The following CPB1 variants were observed in gnomAD, a reference collection of about 807,000 sequenced individuals.
The protein encoded by CPB1 is carboxypeptidase B.
A neutral mutation model predicts 51.4 loss-of-function variants in CPB1; 53 were observed. The ratio of observed to expected loss-of-function variants is 1.03; its 90% CI spans 0.83 to 1.30. CPB1 has a LOEUF of 1.30. CPB1 is among the 50% of genes most tolerant of loss of function. The pLI is 0.00. For missense variants in CPB1, 494 were observed against 516.2 expected, an observed-to-expected ratio of 0.96 and a Z score of 0.42; for synonymous variants, 189 against 186.9, an observed-to-expected ratio of 1.01 and a Z score of -0.09.
At chr3:148,844,113 T>C (rs540437620) in intron 6 of CPB1, among the ~76,000 whole-genome samples, 1 of 152,306 alleles carries the variant, frequency 6.6e-6, no homozygotes, top group East Asian at 1.9e-4. Context: ...GTTCTATACC[T>C]TACTTACACT....
intron 2 of CPB1, among the ~76,000 whole-genome samples, chr3:148,830,873 C>A (rs1428292523): frequency 6.6e-6 from 1 of 152,118 alleles, no homozygotes; most frequent in African/African-American, 2.4e-5. Context: ...ACACATATTT[C>A]TTCTTTATTC....
In CPB1 at chr3:148,857,555, T is replaced by C. The variant is rs374667104; in HGVS notation, c.1066+14T>C. 1.2e-6 allele frequency: 2 copies of C among 1,603,784 alleles called. No homozygotes were observed. The highest frequency in any genetic ancestry group is 1.7e-5 in the Admixed American group (1 of 59,930). On this transcript the variant is annotated intron_variant, in intron 10 of 10. Coordinates refer to ENST00000282957, the MANE Select transcript of CPB1 (RefSeq NM_001871.3). ...CTACAACAATCTGTGAGTCTTGGCT[T>C]CAGAACTGTGCAAAGAACCATGTGC...
chr3:148,835,608 G>A (rs914715467), intron 3 of CPB1, among the ~76,000 whole-genome samples: 2 of 152,130 alleles, frequency 1.3e-5, no homozygotes, highest in African/African-American at 4.8e-5. Flanking sequence ...TAAGAGGGAA[G>A]GAGGAAATAA....
At chr3:148,834,667 C>A in intron 3 of CPB1, 45 bp downstream of exon 3, 2 of 1,562,902 alleles carry the variant, frequency 1.3e-6, no homozygotes, top group Admixed American at 1.7e-5. Context: ...CCCATGCATG[C>A]TTTCATCTGA....
chr3:148,828,720 C>CCCA (rs1169853387), intron 2 of CPB1, among the ~76,000 whole-genome samples: 1 of 152,170 alleles, frequency 6.6e-6, no homozygotes, highest in African/African-American at 2.4e-5. Flanking sequence ...ACCACAAATA[C>CCCA]AGTAGTTCCA....
At chr3:148,852,331 C>G (rs960658283) in intron 9 of CPB1, among the ~76,000 whole-genome samples, 5 of 152,256 alleles carry the variant, frequency 3.3e-5, no homozygotes, top group African/African-American at 1.2e-4. Context: ...TGGGAGACAT[C>G]TTTGGTTGTC....
chr3:148,840,310 C>T (rs994214484), intron 3 of CPB1, among the ~76,000 whole-genome samples: 1 of 126,372 alleles, frequency 7.9e-6, no homozygotes, highest in Non-Finnish European at 1.9e-5. Context: ...GGAAGAAAGA[C>T]CAAAGATAGG....
chr3:148,859,981 C>T lies in CPB1; in HGVS notation c.1233C>T (p.Tyr411=), dbSNP rs892083468. Residue 411 remains tyrosine, a synonymous_variant, in exon 11 of 11, where the codon TAC becomes TAT. Coordinates refer to ENST00000282957, the MANE Select transcript of CPB1 (RefSeq NM_001871.3). ...TGGCAATCAAGTATGTTGCCAGCTA[C>T]GTCCTGGAACACCTGTACTAGTTGA... ...TFLAIKYVAS[Y]VLEHLY is the part of the protein sequence containing the mutation. 23 of 1,613,914 alleles carry T rather than the reference C, an allele frequency of 1.4e-5. No individual in the cohort carries two copies. Among genetic ancestry groups the T allele is most frequent in the Middle Eastern group, 1.6e-4 (1 of 6,084 alleles).
intron 9 of CPB1, 75 bp downstream of exon 9, chr3:148,845,701 T>C (rs1713217781): frequency 1.1e-5 from 13 of 1,214,290 alleles, no homozygotes; most frequent in Admixed American, 4.0e-5. Context: ...AAAAAATCAT[T>C]ATAAGAACAC....
chr3:148,835,831 G>C (rs986023815), intron 3 of CPB1, among the ~76,000 whole-genome samples: 1 of 152,190 alleles, frequency 6.6e-6, no homozygotes, highest in Non-Finnish European at 1.5e-5. Flanking sequence ...TAAAAGAATA[G>C]TATCTGTGCC....
chr3:148,844,910 A>G (rs1559959551), intron 8 of CPB1, 143 bp downstream of exon 8: 1 of 739,720 alleles, frequency 1.4e-6, no homozygotes, highest in Non-Finnish European at 2.2e-6. Context: ...AAAAAAAAAA[A>G]CCAGTTTAAT....
rs145225965 is a variant in CPB1, at chr3:148,846,566, T to A, written c.981+940T>A. Among the ~76,000 whole-genome samples the A allele has an allele frequency of 7.1e-3, 1,068 of 151,442 alleles. 10 individuals are homozygous for A. Among genetic ancestry groups the A allele is most frequent in the South Asian group, 0.021 (101 of 4,796 alleles). On this transcript the variant is annotated intron_variant, in intron 9 of 10. Transcript: ENST00000282957. ...TGTTGTTTTATACTTTCAGATTCAG[T>A]CTTTCGGAGACCAAATAAAATATGT... is the stretch of plus-strand genomic sequence containing the variant.
At chr3:148,830,117 C>T (rs942135292) in intron 2 of CPB1, among the ~76,000 whole-genome samples, 5 of 152,144 alleles carry the variant, frequency 3.3e-5, no homozygotes, top group Non-Finnish European at 5.9e-5. Flanking sequence ...CATTCACAAT[C>T]CATCTGCTTC....
chr3:148,831,565 T>C (rs1179329666), intron 2 of CPB1, among the ~76,000 whole-genome samples: 1 of 152,198 alleles, frequency 6.6e-6, no homozygotes, highest in Admixed American at 6.5e-5. Flanking sequence ...CATGCTACTT[T>C]ATCTTGCTTT....
chr3:148,830,849 C>T (rs1712713617), intron 2 of CPB1, among the ~76,000 whole-genome samples: 1 of 152,138 alleles, frequency 6.6e-6, no homozygotes, highest in Non-Finnish European at 1.5e-5. Flanking sequence ...CATGCTTTAG[C>T]TCCAAGCAGT....
At chr3:148,832,834 G>C (rs529348199) in intron 2 of CPB1, among the ~76,000 whole-genome samples, 1 of 152,290 alleles carries the variant, frequency 6.6e-6, no homozygotes, top group East Asian at 1.9e-4. Flanking sequence ...AGTACACTGA[G>C]CACACTAAAA....
intron 2 of CPB1, among the ~76,000 whole-genome samples, chr3:148,830,288 G>A (rs1000381019): frequency 6.6e-6 from 1 of 152,142 alleles, no homozygotes. Flanking sequence ...AGAAAGTTCT[G>A]CAATCACATC....
intron 9 of CPB1, chr3:148,856,061 C>T (rs1204152910): frequency 6.6e-6 from 1 of 152,062 alleles, no homozygotes; most frequent in Admixed American, 6.6e-5. Flanking sequence ...GTCTTCGTTA[C>T]AATAAGATTA....
chr3:148,830,509 T>A (rs574764182), intron 2 of CPB1, among the ~76,000 whole-genome samples: 1 of 152,260 alleles, frequency 6.6e-6, no homozygotes, highest in East Asian at 1.9e-4. Flanking sequence ...TGAATTAATA[T>A]AGGTAAAGCA....
Sources: allele counts gnomAD v4.1 joint callset (sites outside exome capture counted in the v4.1 genomes callset), GRCh38; gene constraint gnomAD v4.1.1; transcripts MANE v1.5; gene names NCBI Gene and HGNC (gene_info 2026-07-23, HGNC 2026-07-21).